The following ADAM7 variants were observed in gnomAD, a reference collection of about 807,000 sequenced individuals.
ADAM7 encodes the protein disintegrin and metalloproteinase domain-containing protein 7.
Under a neutral mutation model 102.9 loss-of-function variants are expected in ADAM7, and 97 were observed. The ratio of observed to expected loss-of-function variants is 0.94; its 90% CI spans 0.80 to 1.12. The LOEUF (loss-of-function observed/expected upper bound fraction) is 1.12. Ranked by LOEUF, ADAM7 falls within the 50% of genes most tolerant of loss-of-function variation. ADAM7 has a pLI of 0.00. For synonymous variants in ADAM7, 334 were observed against 304.4 expected (o/e 1.10, Z -1.01); for missense variants, 991 against 908.7 (o/e 1.09, Z -1.16).
intron 20 of ADAM7, chr8:24,506,109 T>A: frequency 6.5e-7 from 1 of 1,550,174 alleles, no homozygotes; most frequent in South Asian, 1.2e-5. Flanking sequence ...TCCAGAATCC[T>A]TGGAAAGCCT....
At chr8:24,502,631 CAG>C (rs1309059784) in intron 20 of ADAM7, among the ~76,000 whole-genome samples, 1 of 151,920 alleles carries the variant, frequency 6.6e-6, no homozygotes, top group Non-Finnish European at 1.5e-5. Context: ...ATAGTTTTGA[CAG>C]TGCAATGAAA....
At chr8:24,447,044 C>A in intron 2 of ADAM7, 142 bp from the exon 3 acceptor site, 2 of 441,760 alleles carry the variant, frequency 4.5e-6, no homozygotes, top group Non-Finnish European at 8.3e-6. Flanking sequence ...TCTTTCAATT[C>A]ATCTTTATCA....
chr8:24,459,794 G>C (rs1159792353), intron 3 of ADAM7, among the ~76,000 whole-genome samples: 1 of 151,888 alleles, frequency 6.6e-6, no homozygotes, highest in African/African-American at 2.4e-5. Flanking sequence ...AATTGTAATT[G>C]GTTGTCTATT....
chr8:24,444,037 C>G (rs1357306126), intron 2 of ADAM7, among the ~76,000 whole-genome samples: 2 of 150,834 alleles, frequency 1.3e-5, no homozygotes, highest in African/African-American at 4.9e-5. Context: ...AAACAATGAA[C>G]CTAAAGCTTC....
In ADAM7 at chr8:24,471,806, T is replaced by C. The variant is rs190794122; in HGVS notation, c.633+2986T>C. Among the ~76,000 whole-genome samples, 101 of 152,096 alleles carry C rather than the reference T, an allele frequency of 6.6e-4. No homozygotes were observed. In the Middle Eastern group the frequency reaches 0.014, roughly 20 times the overall value. ...AAAAACAGAAAAAAATATGTGAAGG[T>C]AATTCCAAATGTGTCAGAAATTAGA... On this transcript the variant is annotated intron_variant, in intron 7 of 21. Coordinates refer to ENST00000175238, the MANE Select transcript of ADAM7 (RefSeq NM_003817.4).
intron 6 of ADAM7, chr8:24,467,369 A>G: frequency 3.9e-6 from 1 of 256,530 alleles, no homozygotes. Flanking sequence ...CCTTTTTATC[A>G]TTCAAATGTT....
intron 2 of ADAM7, 33 bp from the exon 3 acceptor site, chr8:24,447,153 T>C (rs1205313699): frequency 3.8e-6 from 5 of 1,301,700 alleles, no homozygotes; most frequent in Non-Finnish European, 5.4e-6. Flanking sequence ...AATGAGCCCA[T>C]GTTGAAGTCA....
intron 3 of ADAM7, among the ~76,000 whole-genome samples, chr8:24,455,785 C>T (rs1016252414): frequency 1.3e-5 from 2 of 152,162 alleles, no homozygotes; most frequent in Non-Finnish European, 2.9e-5. Context: ...TGTCCATCTA[C>T]ATATTTGTTG....
At chr8:24,470,612 A>G (rs1819572661) in intron 7 of ADAM7, among the ~76,000 whole-genome samples, 1 of 152,292 alleles carries the variant, frequency 6.6e-6, no homozygotes, top group South Asian at 2.1e-4. Context: ...TTAGATGATA[A>G]CAAAGCAGAA....
chr8:24,490,457 G>T, intron 12 of ADAM7: 1 of 175,336 alleles, frequency 5.7e-6, no homozygotes. Flanking sequence ...CAGATCTTCA[G>T]CAGTTGAATA....
intron 4 of ADAM7, 115 bp downstream of exon 4, chr8:24,464,075 G>A (rs1176931548): frequency 2.3e-6 from 2 of 853,222 alleles, no homozygotes; most frequent in Non-Finnish European, 3.6e-6. Flanking sequence ...TCAGAAATAA[G>A]CTCTGAATTG....
At chr8:24,445,002 A>C (rs748500046) in intron 2 of ADAM7, among the ~76,000 whole-genome samples, 3 of 152,206 alleles carry the variant, frequency 2.0e-5, no homozygotes, top group African/African-American at 2.4e-5. Flanking sequence ...TAAAAATTAA[A>C]AACCAAATTG....
chr8:24,478,989 G>A (rs1042843514), intron 8 of ADAM7, among the ~76,000 whole-genome samples: 1 of 152,128 alleles, frequency 6.6e-6, no homozygotes, highest in Non-Finnish European at 1.5e-5. Context: ...TATTCATCTA[G>A]TGTTACTTTG....
intron 3 of ADAM7, among the ~76,000 whole-genome samples, chr8:24,458,019 A>G (rs949210753): frequency 1.3e-5 from 2 of 152,112 alleles, no homozygotes; most frequent in African/African-American, 4.8e-5. Flanking sequence ...TCAAATGACT[A>G]TTTCTTGGCT....
chr8:24,447,308 T>G, intron 3 of ADAM7, 46 bp downstream of exon 3: 2 of 1,175,534 alleles, frequency 1.7e-6, no homozygotes, highest in Non-Finnish European at 2.3e-6. Flanking sequence ...TTAGTAATTA[T>G]GGTAAGCCAA....
rs773959713 is a variant in ADAM7, at chr8:24,466,877, C to T, written c.468C>T (p.Phe156=). ...CAGATGAGGGAGAACATTTGGTGTT[C>T]AAATATAACCTGAGGGTGCCGTATG... is the stretch of plus-strand genomic sequence containing the variant. ...KYSDEGEHLV[F]KYNLRVPYGA... The change falls in exon 6 of 22, where the codon TTC becomes TTT. Residue 156 remains phenylalanine, a synonymous_variant. Transcript: ENST00000175238. 11 of 1,613,954 alleles carry T rather than the reference C, an allele frequency of 6.8e-6. No individual in the cohort carries two copies. Among genetic ancestry groups the T allele is most frequent in the Non-Finnish European group, 9.3e-6 (11 of 1,179,900 alleles).
chr8:24,492,478 A>G lies in ADAM7; in HGVS notation c.1553-17A>G, dbSNP rs765671454. ...TCATGCTTTATTGTTTTACTTTTATACCATTTTTTACCCCAGAGGCAATAG... is the reference window on the plus strand; with the variant it reads ...TCATGCTTTATTGTTTTACTTTTATGCCATTTTTTACCCCAGAGGCAATAG... On this transcript the variant is annotated splice_polypyrimidine_tract_variant and intron_variant, in intron 14 of 21. Transcript: ENST00000175238. 2.5e-5 allele frequency: 39 copies of G among 1,541,814 alleles called. No homozygotes were observed. The highest frequency in any genetic ancestry group is 3.5e-5 in the Non-Finnish European group (39 of 1,128,428).
chr8:24,478,108 A>C (rs1426878319), intron 8 of ADAM7, among the ~76,000 whole-genome samples: 1 of 152,176 alleles, frequency 6.6e-6, no homozygotes, highest in Non-Finnish European at 1.5e-5. Flanking sequence ...GTAGGCAGGA[A>C]GTCTGGGTAC....
chr8:24,502,219 A>G (rs191217832), intron 20 of ADAM7, among the ~76,000 whole-genome samples: 218 of 138,040 alleles, frequency 1.6e-3, no homozygotes, highest in African/African-American at 5.1e-3. Context: ...AAGTGTTTTA[A>G]CCTGAATGAA....
Sources: gnomAD v4.1 joint callset for allele counts (sites outside exome capture counted in the v4.1 genomes callset) on GRCh38, gnomAD v4.1.1 for gene constraint, MANE v1.5 for transcripts, NCBI Gene and HGNC (gene_info 2026-07-23, HGNC 2026-07-21) for gene names.